Variants in PRORP observed in about 807,000 individuals in gnomAD.
The protein encoded by PRORP is protein only RNase P catalytic subunit.
Under a neutral mutation model 59.4 loss-of-function variants are expected in PRORP, and 51 were observed. That is an observed-to-expected ratio of 0.86 (90% CI 0.69 to 1.08). PRORP has a LOEUF of 1.08. PRORP is among the 50% of genes least tolerant of loss of function. The pLI, the probability that PRORP is intolerant of heterozygous loss-of-function variation, is 0.00. For missense variants in PRORP, 646 were observed against 690.3 expected (o/e 0.94, Z 0.72); for synonymous variants, 231 against 245.6 (o/e 0.94, Z 0.55).
At position 35,123,168 on chromosome 14, in the gene PRORP, C is replaced by T. The variant is rs952631302; in HGVS notation, c.-78C>T. The T allele has an allele frequency of 4.9e-5, 71 of 1,450,140 alleles. No individual in the cohort carries two copies. The African/African-American group carries it at 9.4e-4, about 19-fold the overall frequency. The allele number at this position is 1,450,140 out of a possible 1,614,324, so 89.8% of individuals were successfully genotyped here. ...CACTTCGACTCTGCACCGCCGACCCCCAATCTCTTTAATTTTGCCATAGAA... is the reference window on the plus strand; with the variant it reads ...CACTTCGACTCTGCACCGCCGACCCTCAATCTCTTTAATTTTGCCATAGAA... On this transcript the variant is annotated 5_prime_UTR_variant, in exon 2 of 8. Transcript: ENST00000534898.
chr14:35,256,546 G>A (rs1298184806), intron 5 of PRORP, among the ~76,000 whole-genome samples: 3 of 151,606 alleles, frequency 2.0e-5, no homozygotes, highest in African/African-American at 7.3e-5. Flanking sequence ...TGGTCAGTCT[G>A]GTCTCGAACT....
At chr14:35,238,825 G>A (rs2050286669) in intron 5 of PRORP, among the ~76,000 whole-genome samples, 1 of 152,074 alleles carries the variant, frequency 6.6e-6, no homozygotes, top group South Asian at 2.1e-4. Flanking sequence ...ATGAAGTAAG[G>A]CATATCAAAG....
chr14:35,273,226 A>G (rs1209056542), intron 7 of PRORP, among the ~76,000 whole-genome samples: 3 of 152,190 alleles, frequency 2.0e-5, no homozygotes, highest in African/African-American at 7.2e-5. Flanking sequence ...GAGTCTTTAG[A>G]CTTAAAAATG....
intron 5 of PRORP, among the ~76,000 whole-genome samples, chr14:35,229,250 T>C (rs1336972890): frequency 6.6e-6 from 1 of 152,198 alleles, no homozygotes; most frequent in Non-Finnish European, 1.5e-5. Flanking sequence ...GGTTATCTAT[T>C]TCTTCTGTTA....
intron 5 of PRORP, among the ~76,000 whole-genome samples, chr14:35,261,336 T>C (rs1040355151): frequency 6.6e-6 from 1 of 152,220 alleles, no homozygotes; most frequent in African/African-American, 2.4e-5. Context: ...TTGCACTTAG[T>C]GGGAGACATA....
intron 5 of PRORP, among the ~76,000 whole-genome samples, chr14:35,237,217 T>C (rs1316803140): frequency 6.6e-6 from 1 of 151,926 alleles, no homozygotes; most frequent in Non-Finnish European, 1.5e-5. Context: ...CTCTGCATCC[T>C]GAGTAGCTGG....
intron 5 of PRORP, among the ~76,000 whole-genome samples, chr14:35,221,190 G>A (rs2049770311): frequency 6.6e-6 from 1 of 152,214 alleles, no homozygotes. Flanking sequence ...ACTGGGACTA[G>A]GGTGAGGAGA....
intron 4 of PRORP, among the ~76,000 whole-genome samples, chr14:35,149,210 C>T (rs536387636): frequency 7.3e-5 from 11 of 151,624 alleles, no homozygotes; most frequent in South Asian, 4.2e-4. Context: ...TGAGCCACCG[C>T]GCCCGGCCTA....
rs372463490 is a variant in PRORP at position 35,143,053 on chromosome 14, G to A, written c.1167+15442G>A. ...ACTTCTTTGTAAAGCTATATTTTTC[G>A]TGTACTTTAAGAAATACTTTAGAAT... On this transcript the variant is annotated intron_variant, in intron 4 of 7. Coordinates refer to ENST00000534898, the MANE Select transcript of PRORP (RefSeq NM_014672.4). 1.0e-4 allele frequency among the ~76,000 whole-genome samples: 15 copies of A among 145,292 alleles called. 4 individuals are homozygous for A. The East Asian group carries it at 2.3e-3, about 22-fold the overall frequency.
At chr14:35,167,874 AC>A (rs752811616) in intron 4 of PRORP, among the ~76,000 whole-genome samples, 2 of 152,224 alleles carry the variant, frequency 1.3e-5, no homozygotes, top group Non-Finnish European at 2.9e-5. Flanking sequence ...CATACTCAAA[AC>A]TTTGCATAAA....
chr14:35,180,707 C>T lies in PRORP; in HGVS notation c.1205C>T (p.Pro402Leu). 1 of 1,612,850 alleles carries T rather than the reference C, an allele frequency of 6.2e-7. No homozygotes were observed. The highest frequency in any genetic ancestry group is 8.5e-7 in the Non-Finnish European group (1 of 1,179,276). The part of the protein sequence containing the change: ...KRFENFIKSR[P>L]PFDVVIDGLN... ...TTTGAGAACTTCATAAAATCTCGTC[C>T]TCCTTTTGATGTTGTCATTGATGGT... is the stretch of plus-strand genomic sequence containing the variant. The change falls in exon 5 of 8, where the codon CCT becomes CTT. Residue 402 changes from proline to leucine, a missense_variant. By Grantham distance (98) the Pro-to-Leu change is moderately conservative. Transcript: ENST00000534898.
chr14:35,123,555 GC>G lies in PRORP; in HGVS notation c.312del (p.Leu105TrpfsTer4). The G allele has an allele frequency of 6.2e-7, 1 of 1,614,172 alleles. No individual in the cohort carries two copies. The highest frequency in any genetic ancestry group is 8.5e-7 in the Non-Finnish European group (1 of 1,180,032). The stretch of plus-strand genomic sequence containing the variant: ...GATGAATTCTCAAACTGAAGATCAT[GC>G]CTTGGCACCTGTGAGGAACACTATT... Reference protein sequence around the residue: ...SQMNSQTEDHALAPVRNTIQL... With the variant: ...SQMNSQTEDHXLAPVRNTIQL... On this transcript the variant is annotated frameshift_variant, in exon 2 of 8. Transcript: ENST00000534898. LOFTEE classifies it high-confidence loss of function.
chr14:35,202,248 G>A (rs899407590), intron 5 of PRORP, among the ~76,000 whole-genome samples: 3 of 152,016 alleles, frequency 2.0e-5, no homozygotes, highest in Non-Finnish European at 4.4e-5. Context: ...GAGCCACCAC[G>A]CCTGGCCTCA....
intron 5 of PRORP, among the ~76,000 whole-genome samples, chr14:35,232,250 G>A (rs915968387): frequency 1.3e-5 from 2 of 150,436 alleles, no homozygotes; most frequent in African/African-American, 4.9e-5. Context: ...TTGTCACCCA[G>A]GCTGGAGTGC....
chr14:35,180,526 CTGTGTGTGTGTG>C, intron 4 of PRORP, 132 bp from the exon 5 acceptor site: 1 of 537,384 alleles, frequency 1.9e-6, no homozygotes, highest in South Asian at 2.3e-5. Context: ...TGTAGAGTAT[CTGTGTGTGTGTG>C]TGTGTGTGTG....
Position 35,266,792 on chromosome 14 carries a change from C to A in PRORP, c.1341C>A (p.His447Gln). Residue 447 changes from histidine (H) to glutamine (Q), a missense_variant, in exon 6 of 8, where the codon CAC (histidine) becomes CAA (glutamine). Transcript: ENST00000534898. ...NLRLLVLGRKHMLRRSSQWSR... is the reference protein window; with the variant it reads ...NLRLLVLGRKQMLRRSSQWSR... ...GACTGCTGGTCCTAGGCCGGAAGCA[C>A]ATGCTAAGACGGAGTTCCCAGTGGA... The A allele has an allele frequency of 6.2e-7, 1 of 1,614,142 alleles. No individual in the cohort carries two copies. The highest frequency in any genetic ancestry group is 1.1e-5 in the South Asian group (1 of 91,088).
intron 5 of PRORP, among the ~76,000 whole-genome samples, chr14:35,182,035 G>C (rs1017722340): frequency 2.0e-5 from 3 of 151,606 alleles, no homozygotes; most frequent in South Asian, 2.1e-4. Flanking sequence ...AGGCTGAGGC[G>C]GGCAGATTGC....
intron 5 of PRORP, among the ~76,000 whole-genome samples, chr14:35,214,452 G>C (rs2049534049): frequency 6.6e-6 from 1 of 152,158 alleles, no homozygotes; most frequent in African/African-American, 2.4e-5. Context: ...ATCTTCTGTT[G>C]CATCTTAAAA....
intron 4 of PRORP, chr14:35,158,423 T>C (rs973874996): frequency 7.4e-5 from 23 of 310,968 alleles, no homozygotes; most frequent in Admixed American, 1.8e-4. Context: ...TTCAATGATA[T>C]AGTATTACTA....
Sources: allele counts gnomAD v4.1 joint callset (sites outside exome capture counted in the v4.1 genomes callset), GRCh38; gene constraint gnomAD v4.1.1; transcripts MANE v1.5; gene names NCBI Gene and HGNC (gene_info 2026-07-23, HGNC 2026-07-21).